The following OR2A5 variants were observed in gnomAD, a reference collection of about 807,000 sequenced individuals.
OR2A5 encodes olfactory receptor family 2 subfamily A member 5.
OR2A5 carries 2 observed loss-of-function variants against 1.9 expected under a neutral mutation model. That is an observed-to-expected ratio of 1.04 (90% CI 0.43 to 3.28). The LOEUF is 3.28. OR2A5 is among the 30% of genes most tolerant of loss of function. The pLI is 0.08. For missense variants in OR2A5, 391 were observed against 375.9 expected (o/e 1.04, Z -0.33); for synonymous variants, 160 against 154.5 (o/e 1.04, Z -0.26).
chr7:144,050,296 C>A (rs550790351), intron 1 of OR2A5, 55 bp from the exon 2 acceptor site: 2 of 741,966 alleles, frequency 2.7e-6, no homozygotes, highest in East Asian at 2.5e-5. Flanking sequence ...CTGTGTGCAC[C>A]ATAAACCCCC....
Position 144,051,389 on chromosome 7 carries a change from G to A in OR2A5, c.*52G>A, listed in dbSNP as rs907072656. On this transcript the variant is annotated 3_prime_UTR_variant, in exon 2 of 2. Coordinates refer to ENST00000641693, the MANE Select transcript of OR2A5 (RefSeq NM_012365.2). Reference sequence around the variant, plus strand: ...TGAAGATTTGCTCCCAATGAGATTTGTAGGAACAGTGGTGTAAATGCCTTA... The same window carrying A: ...TGAAGATTTGCTCCCAATGAGATTTATAGGAACAGTGGTGTAAATGCCTTA... 7.1e-7 allele frequency: 1 copy of A among 1,402,014 alleles called. No homozygotes were observed. The highest frequency in any genetic ancestry group is 9.8e-7 in the Non-Finnish European group (1 of 1,019,412). 86.8% of individuals were successfully genotyped at this position (1,402,014 alleles called of 1,614,324 possible).
At chr7:144,050,206 C>G (rs978769931) in intron 1 of OR2A5, 145 bp from the exon 2 acceptor site, 2 of 476,280 alleles carry the variant, frequency 4.2e-6, no homozygotes, top group Non-Finnish European at 7.3e-6. Flanking sequence ...TTCTCTGAAC[C>G]AAATTTATTT....
rs2050882474 is a variant in OR2A5 at position 144,048,972 on chromosome 7, C to G, written c.-213C>G. On this transcript the variant is annotated 5_prime_UTR_variant, in exon 1 of 2. Coordinates refer to ENST00000641693, the MANE Select transcript of OR2A5 (RefSeq NM_012365.2). ...AGGCTGCAGTCTGCATCAGCCTATG[C>G]TAAGAAAAGAGAGACAACTCCTGCA... is the stretch of plus-strand genomic sequence containing the variant. 1 of 152,276 alleles carries G rather than the reference C, an allele frequency of 6.6e-6. No homozygotes were observed. Among genetic ancestry groups the G allele is most frequent in the South Asian group, 2.1e-4 (1 of 4,826 alleles). The allele number at this position is 152,276 out of a possible 1,614,324, so 9.4% of individuals were successfully genotyped here. A position where few individuals can be genotyped will look rare whatever the true frequency, so the allele number is the denominator to read the frequency against.
In OR2A5 at chr7:144,053,160, T is replaced by A. The variant is rs2050917351; in HGVS notation, c.*1823T>A. On this transcript the variant is annotated 3_prime_UTR_variant, in exon 2 of 2. Transcript: ENST00000641693. ...AAGAATAGACCAAAAAGACTACATT[T>A]CTACAGAAAGTGACAAATATAGATA... 1.3e-5 allele frequency: 2 copies of A among 152,192 alleles called. No homozygotes were observed. The highest frequency in any genetic ancestry group is 4.1e-4 in the South Asian group (2 of 4,828). The allele number at this position is 152,192 out of a possible 1,614,324, so 9.4% of individuals were successfully genotyped here.
chr7:144,050,208 A>G, intron 1 of OR2A5, 143 bp from the exon 2 acceptor site: 1 of 480,390 alleles, frequency 2.1e-6, no homozygotes, highest in Non-Finnish European at 3.6e-6. Context: ...CTCTGAACCA[A>G]ATTTATTTTC....
rs755906640 is a variant in OR2A5, at chr7:144,056,250, G to A, written c.*4913G>A. 1.3e-5 allele frequency: 2 copies of A among 152,320 alleles called. No homozygotes were observed. Among genetic ancestry groups the A allele is most frequent in the Admixed American group, 1.3e-4 (2 of 15,288 alleles). 9.4% of individuals were successfully genotyped at this position (152,320 alleles called of 1,614,324 possible). On this transcript the variant is annotated 3_prime_UTR_variant, in exon 2 of 2. Coordinates refer to ENST00000641693, the MANE Select transcript of OR2A5 (RefSeq NM_012365.2). ...ACTAATGAAGACCAAAAAATGTACT[G>A]TGCTGTACTGCTTCCCTATGTAGCT... is the stretch of plus-strand genomic sequence containing the variant.
In OR2A5 at chr7:144,051,550, G is replaced by A. The variant is rs962271024; in HGVS notation, c.*213G>A. On this transcript the variant is annotated 3_prime_UTR_variant, in exon 2 of 2. Transcript: ENST00000641693. ...GTGTGGTGCAGCAGAGGTGCAAAGT[G>A]CCATGAACTCCTACTCCCAGGTCCC... 1 of 515,728 alleles carries A rather than the reference G, an allele frequency of 1.9e-6. No individual in the cohort carries two copies. Among genetic ancestry groups the A allele is most frequent in the Non-Finnish European group, 3.4e-6 (1 of 294,786 alleles). The allele number at this position is 515,728 out of a possible 1,614,324, so 31.9% of individuals were successfully genotyped here. A position where few individuals can be genotyped will look rare whatever the true frequency, so the allele number is the denominator to read the frequency against.
rs867666012 is a variant in OR2A5 at position 144,051,296 on chromosome 7, G to T, written c.895G>T (p.Gly299Cys). ...IYSLRNAEVKGALKRVLWKQR... is the reference protein window; with the variant it reads ...IYSLRNAEVKCALKRVLWKQR... ...TAGCCTGAGGAACGCAGAGGTCAAG[G>T]GTGCCCTGAAAAGAGTGTTGTGGAA... Residue 299 changes from glycine (G) to cysteine (C), a missense_variant, in exon 2 of 2, where the codon GGT (glycine) becomes TGT (cysteine). Gly to Cys is a radical substitution (Grantham distance 159). Coordinates refer to ENST00000641693, the MANE Select transcript of OR2A5 (RefSeq NM_012365.2). 5 of 1,613,058 alleles carry T rather than the reference G, an allele frequency of 3.1e-6. No homozygotes were observed. The highest frequency in any genetic ancestry group is 4.2e-6 in the Non-Finnish European group (5 of 1,179,404).
In OR2A5 at chr7:144,051,467, A is replaced by G. The variant is rs2050906591; in HGVS notation, c.*130A>G. ...CAAGAATGTATATTGATTGGATTCT[A>G]TCCCTAAACGTGGAGTACCATGCAG... On this transcript the variant is annotated 3_prime_UTR_variant, in exon 2 of 2. Transcript: ENST00000641693. The G allele has an allele frequency of 5.3e-6, 4 of 757,098 alleles. No homozygotes were observed. Among genetic ancestry groups the G allele is most frequent in the Admixed American group, 5.8e-5 (2 of 34,696 alleles). 46.9% of individuals were successfully genotyped at this position (757,098 alleles called of 1,614,324 possible).
At position 144,051,031 on chromosome 7, in the gene OR2A5, G is replaced by T. The variant is rs372854651; in HGVS notation, c.630G>T (p.Pro210=). The part of the protein sequence containing the change: ...FAASVFILVG[P]LCLVLVSYSR... ...CTTCAGTGTTCATCCTGGTGGGGCC[G>T]CTCTGCCTGGTGCTGGTCTCCTACT... The change falls in exon 2 of 2, where the codon CCG becomes CCT. Residue 210 remains proline (P), a synonymous_variant. Coordinates refer to ENST00000641693, the MANE Select transcript of OR2A5 (RefSeq NM_012365.2). 6.2e-7 allele frequency: 1 copy of T among 1,614,118 alleles called. No homozygotes were observed. Among genetic ancestry groups the T allele is most frequent in the Non-Finnish European group, 8.5e-7 (1 of 1,179,962 alleles).
rs1037158697 is a variant in OR2A5 at position 144,056,776 on chromosome 7, T to C, written c.*5439T>C. 3.4e-5 allele frequency: 5 copies of C among 147,212 alleles called. No individual in the cohort carries two copies. Among genetic ancestry groups the C allele is most frequent in the Non-Finnish European group, 6.0e-5 (4 of 67,080 alleles). The allele number at this position is 147,212 out of a possible 1,614,324, so 9.1% of individuals were successfully genotyped here. On this transcript the variant is annotated 3_prime_UTR_variant, in exon 2 of 2. Coordinates refer to ENST00000641693, the MANE Select transcript of OR2A5 (RefSeq NM_012365.2). Reference sequence around the variant, plus strand: ...AGATAACAATTACAGAGCTTAGAAATAAAACACGCATTCCCTGAAATAAGG... The same window carrying C: ...AGATAACAATTACAGAGCTTAGAAACAAAACACGCATTCCCTGAAATAAGG...
At position 144,051,468 on chromosome 7, in the gene OR2A5, T is replaced by C. The variant is rs1173538185; in HGVS notation, c.*131T>C. On this transcript the variant is annotated 3_prime_UTR_variant, in exon 2 of 2. Coordinates refer to ENST00000641693, the MANE Select transcript of OR2A5 (RefSeq NM_012365.2). ...AAGAATGTATATTGATTGGATTCTA[T>C]CCCTAAACGTGGAGTACCATGCAGA... 1 of 749,014 alleles carries C rather than the reference T, an allele frequency of 1.3e-6. No individual in the cohort carries two copies. Among genetic ancestry groups the C allele is most frequent in the Non-Finnish European group, 2.1e-6 (1 of 469,380 alleles). The allele number at this position is 749,014 out of a possible 1,614,324, so 46.4% of individuals were successfully genotyped here.
chr7:144,056,505 T>C lies in OR2A5; in HGVS notation c.*5168T>C, dbSNP rs2050940340. ...AGGGAGAGAGACAGACAGAGAGAAA[T>C]GGAGAGAGAACTGGGTTTTTAAATC... On this transcript the variant is annotated 3_prime_UTR_variant, in exon 2 of 2. Transcript: ENST00000641693. 6.6e-6 allele frequency: 1 copy of C among 151,868 alleles called. No individual in the cohort carries two copies. The highest frequency in any genetic ancestry group is 2.4e-5 in the African/African-American group (1 of 41,320). 9.4% of individuals were successfully genotyped at this position (151,868 alleles called of 1,614,324 possible). A position where few individuals can be genotyped will look rare whatever the true frequency, so the allele number is the denominator to read the frequency against.
Position 144,053,046 on chromosome 7 carries a change from T to C in OR2A5, c.*1709T>C, listed in dbSNP as rs1330750441. 6.6e-6 allele frequency: 1 copy of C among 151,890 alleles called. No homozygotes were observed. The highest frequency in any genetic ancestry group is 1.5e-5 in the Non-Finnish European group (1 of 67,944). 9.4% of individuals were successfully genotyped at this position (151,890 alleles called of 1,614,324 possible). ...TTCATCTCATATAAAACATAAGCAA[T>C]AGATTTGGATTCAGAATTTTTTTAC... On this transcript the variant is annotated 3_prime_UTR_variant, in exon 2 of 2. Transcript: ENST00000641693.
rs1320851452 is a variant in OR2A5, at chr7:144,054,942, C to A, written c.*3605C>A. ...CCTTGTTAGTTGGCTGAAATTTTGG[C>A]ACTCATAGTAGCCAACTCCTTATAT... On this transcript the variant is annotated 3_prime_UTR_variant, in exon 2 of 2. Transcript: ENST00000641693. 6.6e-6 allele frequency: 1 copy of A among 152,144 alleles called. No homozygotes were observed. Among genetic ancestry groups the A allele is most frequent in the African/African-American group, 2.4e-5 (1 of 41,434 alleles). 9.4% of individuals were successfully genotyped at this position (152,144 alleles called of 1,614,324 possible).
chr7:144,049,308 C>A (rs1253307642), intron 1 of OR2A5, among the ~76,000 whole-genome samples, 175 bp downstream of exon 1: 1 of 152,184 alleles, frequency 6.6e-6, no homozygotes, highest in East Asian at 1.9e-4. Context: ...ATAAGCTGCA[C>A]ATTGAGAATG....
In OR2A5 at chr7:144,052,860, C is replaced by T. The variant is rs761399389; in HGVS notation, c.*1523C>T. On this transcript the variant is annotated 3_prime_UTR_variant, in exon 2 of 2. Coordinates refer to ENST00000641693, the MANE Select transcript of OR2A5 (RefSeq NM_012365.2). ...TCAACCACTATGGAATTATTGTGTG[C>T]ACTACTCTGAAGCTAGAAAGAGAAA... The T allele has an allele frequency of 4.6e-5, 7 of 152,102 alleles. No individual in the cohort carries two copies. The highest frequency in any genetic ancestry group is 8.8e-5 in the Non-Finnish European group (6 of 68,020). The allele number at this position is 152,102 out of a possible 1,614,324, so 9.4% of individuals were successfully genotyped here.
At position 144,055,521 on chromosome 7, in the gene OR2A5, A is replaced by G. The variant is rs147168190; in HGVS notation, c.*4184A>G. 55 of 152,314 alleles carry G rather than the reference A, an allele frequency of 3.6e-4. No individual in the cohort carries two copies. In the East Asian group the frequency reaches 8.7e-3, roughly 24 times the overall value. The allele number at this position is 152,314 out of a possible 1,614,324, so 9.4% of individuals were successfully genotyped here. On this transcript the variant is annotated 3_prime_UTR_variant, in exon 2 of 2. Coordinates refer to ENST00000641693, the MANE Select transcript of OR2A5 (RefSeq NM_012365.2). ...AAGATTTTTAAATGGTAATTCTAAG[A>G]TAATCTTTTTTCTGTCAAAATCCCG...
At position 144,057,575 on chromosome 7, in the gene OR2A5, A is replaced by G. The variant is rs1351804409; in HGVS notation, c.*6238A>G. On this transcript the variant is annotated 3_prime_UTR_variant, in exon 2 of 2. Transcript: ENST00000641693. ...CTCAGCAAAACAGATGCCAAAAGAGAATATTCAAAAGGATTAGGAAAACTG... is the reference window on the plus strand; with the variant it reads ...CTCAGCAAAACAGATGCCAAAAGAGGATATTCAAAAGGATTAGGAAAACTG... 6.6e-6 allele frequency: 1 copy of G among 152,222 alleles called. No individual in the cohort carries two copies. The highest frequency in any genetic ancestry group is 1.5e-5 in the Non-Finnish European group (1 of 68,040). The allele number at this position is 152,222 out of a possible 1,614,324, so 9.4% of individuals were successfully genotyped here. A position where few individuals can be genotyped will look rare whatever the true frequency, so the allele number is the denominator to read the frequency against.
Sources: allele counts gnomAD v4.1 joint callset (sites outside exome capture counted in the v4.1 genomes callset), GRCh38; gene constraint gnomAD v4.1.1; transcripts MANE v1.5; gene names NCBI Gene and HGNC (gene_info 2026-07-23, HGNC 2026-07-21).